ANO1: variants seen among roughly 807,000 people sequenced by gnomAD.
The protein encoded by ANO1 is anoctamin 1, also known as anoctamin-1.
ANO1 carries 59 observed loss-of-function variants against 124.0 expected under a neutral mutation model. The observed-to-expected ratio is 0.48, with a 90% CI of 0.39 to 0.59. ANO1 has a LOEUF of 0.59. ANO1 is among the 20% of genes least tolerant of loss of function. The probability of loss-of-function intolerance (pLI) is 0.00; values close to 1 mark genes in which losing one functional copy is unlikely to be tolerated. For synonymous variants in ANO1, 529 were observed against 532.0 expected (o/e 0.99, Z 0.08); for missense variants, 1,059 against 1,328.0 (o/e 0.80, Z 3.15).
chr11:70,024,812 A>G (rs1856863764), intron 1 of ANO1, among the ~76,000 whole-genome samples: 1 of 147,752 alleles, frequency 6.8e-6, no homozygotes, highest in African/African-American at 2.4e-5. Context: ...GCCTCCCCTG[A>G]AAGGAGGACC....
intron 25 of ANO1, 132 bp from the exon 26 acceptor site, chr11:70,187,606 T>G: frequency 8.8e-7 from 1 of 1,140,726 alleles, no homozygotes. Flanking sequence ...TCTGGAAAAC[T>G]GAGGCCCAGG....
intron 11 of ANO1, chr11:70,141,751 C>T (rs1038989363): frequency 6.6e-6 from 1 of 152,148 alleles, no homozygotes; most frequent in East Asian, 1.9e-4. Flanking sequence ...ATCCCTTATT[C>T]AATTATTTGT....
chr11:70,144,153 A>G (rs970678353), intron 11 of ANO1, among the ~76,000 whole-genome samples: 1 of 152,178 alleles, frequency 6.6e-6, no homozygotes, highest in African/African-American at 2.4e-5. Context: ...TATATTTACC[A>G]TAAATATTCT....
At chr11:70,084,040 A>C (rs1235250930) in intron 1 of ANO1, among the ~76,000 whole-genome samples, 1 of 152,100 alleles carries the variant, frequency 6.6e-6, no homozygotes, top group African/African-American at 2.4e-5. Context: ...GTGTCTGCAA[A>C]GGCAAGGAGG....
chr11:70,085,618 C>T (rs2044342558), intron 1 of ANO1: 1 of 1,534,624 alleles, frequency 6.5e-7, no homozygotes, highest in Non-Finnish European at 8.7e-7. Context: ...CCCCAACTGT[C>T]CCCTAACCAG....
intron 1 of ANO1, among the ~76,000 whole-genome samples, chr11:70,058,743 T>C (rs1327513838): frequency 6.6e-6 from 1 of 152,186 alleles, no homozygotes; most frequent in African/African-American, 2.4e-5. Context: ...CCTCTTTAAG[T>C]TGGAGGCTGA....
In ANO1 at chr11:70,108,333, C is replaced by T. The variant is rs181250366; in HGVS notation, c.748-20C>T. Reference sequence around the variant, plus strand: ...GGTGCCTTAAGTAACTGCTCACCCCCCTTCTTGTCTCTGCAATAGGTCTAT... The same window carrying T: ...GGTGCCTTAAGTAACTGCTCACCCCTCTTCTTGTCTCTGCAATAGGTCTAT... On this transcript the variant is annotated intron_variant, in intron 5 of 25. Transcript: ENST00000355303. The T allele has an allele frequency of 3.9e-5, 62 of 1,605,074 alleles. No homozygotes were observed. The highest frequency in any genetic ancestry group is 1.8e-4 in the South Asian group (16 of 90,318).
chr11:70,080,531 C>A (rs1369414843), intron 1 of ANO1, among the ~76,000 whole-genome samples: 1 of 152,102 alleles, frequency 6.6e-6, no homozygotes, highest in Non-Finnish European at 1.5e-5. Flanking sequence ...CTAGACAAGA[C>A]CTGATGGTGA....
chr11:70,091,807 A>C (rs1565189708), intron 2 of ANO1, among the ~76,000 whole-genome samples: 1 of 152,338 alleles, frequency 6.6e-6, no homozygotes, highest in East Asian at 1.9e-4. Context: ...AGGAGTGAGC[A>C]ACCCCTATGC....
chr11:70,034,202 C>T (rs934020604), intron 1 of ANO1, among the ~76,000 whole-genome samples: 7 of 152,102 alleles, frequency 4.6e-5, no homozygotes, highest in African/African-American at 7.2e-5. Context: ...AAAAGTCAGC[C>T]GATACCTAGC....
chr11:70,135,133 C>T (rs756637337), intron 11 of ANO1, among the ~76,000 whole-genome samples: 6 of 152,102 alleles, frequency 3.9e-5, no homozygotes, highest in East Asian at 1.9e-4. Flanking sequence ...GTGAGAGAAG[C>T]GATTGGGAGC....
At chr11:69,976,364 G>A in the ANO1 span, among the ~76,000 whole-genome samples, 1 of 151,984 alleles carries the variant, frequency 6.6e-6, no homozygotes, top group East Asian at 1.9e-4. Context: ...AAAATTAGCG[G>A]TGCACGGTGG....
chr11:69,991,965 A>G (rs545111249), intron 1 of ANO1, among the ~76,000 whole-genome samples: 1 of 152,284 alleles, frequency 6.6e-6, no homozygotes, highest in South Asian at 2.1e-4. Flanking sequence ...CTCAGCTCCC[A>G]CTTCTCTTAG....
At chr11:69,975,644 G>A in the ANO1 span, among the ~76,000 whole-genome samples, 1 of 152,136 alleles carries the variant, frequency 6.6e-6, no homozygotes, top group African/African-American at 2.4e-5. Flanking sequence ...ATCCTTATGG[G>A]GTTTATCCCT....
intron 1 of ANO1, among the ~76,000 whole-genome samples, chr11:70,037,634 G>C (rs572568257): frequency 3.5e-4 from 53 of 152,086 alleles, no homozygotes; most frequent in Non-Finnish European, 6.5e-4. Context: ...CCCTGGGAGA[G>C]GCGCTCCCTG....
chr11:70,040,966 T>C (rs1555004986), intron 1 of ANO1, among the ~76,000 whole-genome samples: 1 of 152,200 alleles, frequency 6.6e-6, no homozygotes, highest in African/African-American at 2.4e-5. Context: ...TCGAGGGCCC[T>C]GTCAGTGGAG....
intron 2 of ANO1, among the ~76,000 whole-genome samples, chr11:70,099,629 C>T (rs946251807): frequency 1.3e-5 from 2 of 152,182 alleles, no homozygotes; most frequent in Non-Finnish European, 2.9e-5. Context: ...TCCACCTCTC[C>T]AGCCTCAGTG....
At chr11:70,137,993 C>T (rs2047010717) in intron 11 of ANO1, among the ~76,000 whole-genome samples, 1 of 147,688 alleles carries the variant, frequency 6.8e-6, no homozygotes, top group Non-Finnish European at 1.5e-5. Flanking sequence ...TTAAACCTAA[C>T]CTCTCACCTT....
chr11:70,079,030 C>T (rs2044122567), intron 1 of ANO1, among the ~76,000 whole-genome samples: 1 of 152,104 alleles, frequency 6.6e-6, no homozygotes, highest in African/African-American at 2.4e-5. Flanking sequence ...GGCTGCAGCT[C>T]GGAGCCCAAC....
Sources: gnomAD v4.1 joint callset for allele counts (sites outside exome capture counted in the v4.1 genomes callset) on GRCh38, gnomAD v4.1.1 for gene constraint, MANE v1.5 for transcripts, NCBI Gene and HGNC (gene_info 2026-07-23, HGNC 2026-07-21) for gene names.